Variants in FAAP100 observed in about 807,000 individuals in gnomAD.
FAAP100 encodes the protein FA core complex associated protein 100.
In FAAP100, 46 loss-of-function variants were observed where a neutral mutation model predicts 65.8. The ratio of observed to expected loss-of-function variants is 0.70; its 90% CI spans 0.55 to 0.89. The LOEUF (loss-of-function observed/expected upper bound fraction) is 0.89. FAAP100 is among the 40% of genes least tolerant of loss of function. The pLI is 0.00. For missense variants in FAAP100, 1,165 were observed against 1,196.7 expected (o/e 0.97, Z 0.39); for synonymous variants, 663 against 555.1 (o/e 1.19, Z -2.73).
intron 6 of FAAP100, among the ~76,000 whole-genome samples, chr17:81,544,859 C>G (rs2033243557): frequency 6.6e-6 from 1 of 152,144 alleles, no homozygotes; most frequent in African/African-American, 2.4e-5. Flanking sequence ...ACCCGAGGGC[C>G]GAGGCTTGAT....
chr17:81,544,406 G>A (rs754809875), intron 6 of FAAP100, among the ~76,000 whole-genome samples: 4 of 152,212 alleles, frequency 2.6e-5, no homozygotes, highest in African/African-American at 9.6e-5. Flanking sequence ...GCAGGGCCTC[G>A]AGCCAGACTG....
chr17:81,545,876 G>T lies in FAAP100; in HGVS notation c.2180C>A (p.Pro727His). ...CCACTGCAGGGTGGCACAGCACAGG[G>T]GCACGCCTGGAGGGGAGGCATCAGC... ...AALKDGHSGVPLCCATLQWLL... is the reference protein window; with the variant it reads ...AALKDGHSGVHLCCATLQWLL... The change falls in exon 6 of 9, where the codon CCC (proline) becomes CAC (histidine). Residue 727 changes from proline to histidine, a missense_variant. Pro to His is a moderately conservative substitution (Grantham distance 77, BLOSUM62 -2). Coordinates refer to ENST00000327787, the MANE Select transcript of FAAP100 (RefSeq NM_025161.6). The T allele has an allele frequency of 6.2e-7, 1 of 1,606,270 alleles. No homozygotes were observed. Among genetic ancestry groups the T allele is most frequent in the Non-Finnish European group, 8.5e-7 (1 of 1,179,674 alleles).
Position 81,552,344 on chromosome 17 carries a change from C to A in FAAP100, c.-14G>T, listed in dbSNP as rs1568102096. Reference sequence around the variant, plus strand: ...GGCGCCGGCCATCGTGCGCGCGGGCCCGTCAGAGTGAGAAGCCCCGGCCGC... The same window carrying A: ...GGCGCCGGCCATCGTGCGCGCGGGCACGTCAGAGTGAGAAGCCCCGGCCGC... On this transcript the variant is annotated 5_prime_UTR_variant, in exon 1 of 9. Transcript: ENST00000327787. 7.3e-7 allele frequency: 1 copy of A among 1,360,760 alleles called. No homozygotes were observed. 84.3% of individuals were successfully genotyped at this position (1,360,760 alleles called of 1,614,324 possible). A position where few individuals can be genotyped will look rare whatever the true frequency, so the allele number is the denominator to read the frequency against.
Position 81,547,890 on chromosome 17 carries a change from C to G in FAAP100, c.1404-212G>C, listed in dbSNP as rs886443986. ...CTCTCTGGAAGCTGCCTCCAGCCAT[C>G]TGACCTGACCTCTCCTCTTGGGCCA... On this transcript the variant is annotated intron_variant, in intron 4 of 8. Transcript: ENST00000327787. 5.6e-6 allele frequency: 4 copies of G among 717,232 alleles called. No homozygotes were observed. The African/African-American group carries it at 7.0e-5, about 12-fold the overall frequency. The allele number at this position is 717,232 out of a possible 1,614,324, so 44.4% of individuals were successfully genotyped here.
At chr17:81,549,862 G>A (rs372020744) in intron 3 of FAAP100, among the ~76,000 whole-genome samples, 34 of 152,272 alleles carry the variant, frequency 2.2e-4, no homozygotes, top group African/African-American at 7.0e-4. Flanking sequence ...ACCATGACAC[G>A]AGCAAGCGTT....
chr17:81,542,755 G>A (rs2033162532), intron 7 of FAAP100, among the ~76,000 whole-genome samples: 1 of 152,202 alleles, frequency 6.6e-6, no homozygotes, highest in Non-Finnish European at 1.5e-5. Flanking sequence ...TGATCAAGAT[G>A]AGGTCACTGG....
intron 3 of FAAP100, 67 bp downstream of exon 3, chr17:81,550,181 T>C: frequency 7.0e-7 from 1 of 1,423,074 alleles, no homozygotes; most frequent in Non-Finnish European, 9.6e-7. Context: ...GGCCTGATAG[T>C]AGCAGACAGC....
At chr17:81,541,871 CT>C (rs1385514094) in intron 7 of FAAP100, among the ~76,000 whole-genome samples, 2 of 152,118 alleles carry the variant, frequency 1.3e-5, no homozygotes, top group Non-Finnish European at 2.9e-5. Flanking sequence ...GGGCTTGGAT[CT>C]AAATTCCCAG....
Position 81,551,176 on chromosome 17 carries a change from G to A in FAAP100, c.318C>T (p.Ser106=), listed in dbSNP as rs766885570. Residue 106 remains serine, a synonymous_variant, in exon 3 of 9, where the codon AGC becomes AGT. Coordinates refer to ENST00000327787, the MANE Select transcript of FAAP100 (RefSeq NM_025161.6). ...SRSTSQDDRD[S]EDGDQPSPVI... ...CGGGGGAAGGCTGGTCACCGTCCTC[G>A]CTGTCCCTGTCATCCTGGCTCGTAG... is the stretch of plus-strand genomic sequence containing the variant. The A allele has an allele frequency of 7.2e-6, 11 of 1,532,638 alleles. No homozygotes were observed. Among genetic ancestry groups the A allele is most frequent in the South Asian group, 1.2e-5 (1 of 82,374 alleles). 94.9% of individuals were successfully genotyped at this position (1,532,638 alleles called of 1,614,324 possible).
chr17:81,543,166 G>T (rs1450649809), intron 7 of FAAP100, among the ~76,000 whole-genome samples: 1 of 152,226 alleles, frequency 6.6e-6, no homozygotes, highest in East Asian at 1.9e-4. Flanking sequence ...GCTGGGCAGA[G>T]CCACTGTTCA....
At chr17:81,542,801 G>C (rs941970587) in intron 7 of FAAP100, among the ~76,000 whole-genome samples, 2 of 152,236 alleles carry the variant, frequency 1.3e-5, no homozygotes, top group African/African-American at 4.8e-5. Context: ...GTCCTTGTAA[G>C]AAAAGGGATA....
In FAAP100 at chr17:81,547,359, C is replaced by T. The variant is rs149130496; in HGVS notation, c.1723G>A (p.Gly575Ser). 210 of 1,612,762 alleles carry T rather than the reference C, an allele frequency of 1.3e-4. No individual in the cohort carries two copies. The African/African-American group carries it at 2.5e-3, about 19-fold the overall frequency. ...GGTAGCGTCACCTCCCGCCGAGCAC[C>T]GGGGCCGAGCTGGTCCACGGGGATG... ...YTIPVDQLGP[G>S]ARREVTLPLG... Residue 575 changes from glycine (G) to serine (S), a missense_variant, in exon 5 of 9, where the codon GGT becomes AGT. Coordinates refer to ENST00000327787, the MANE Select transcript of FAAP100 (RefSeq NM_025161.6).
intron 7 of FAAP100, among the ~76,000 whole-genome samples, chr17:81,541,679 ACT>A (rs1344654859): frequency 2.0e-5 from 3 of 151,956 alleles, no homozygotes; most frequent in Non-Finnish European, 4.4e-5. Flanking sequence ...CAAGAGCCAC[ACT>A]CTGTGCAGAT....
In FAAP100 at chr17:81,550,945, C is replaced by A. The variant is rs775832814; in HGVS notation, c.549G>T (p.Gly183=). The A allele has an allele frequency of 5.7e-5, 92 of 1,612,054 alleles. No individual in the cohort carries two copies. Among genetic ancestry groups the A allele is most frequent in the East Asian group, 5.6e-4 (25 of 44,884 alleles). ...VELSSYTPPA[G]VPGKPAAPHF... The stretch of plus-strand genomic sequence containing the variant: ...GGGGGGCTGCAGGCTTTCCTGGGAC[C>A]CCGGCTGGGGGCGTGTAGGAGGACA... Residue 183 remains glycine (G), a synonymous_variant, in exon 3 of 9, where the codon GGG becomes GGT. Coordinates refer to ENST00000327787, the MANE Select transcript of FAAP100 (RefSeq NM_025161.6).
upstream of FAAP100, chr17:81,552,508 T>C (rs1174012021): frequency 2.0e-6 from 1 of 500,552 alleles, no homozygotes; most frequent in Admixed American, 4.5e-5. Context: ...CGGTCGCTGG[T>C]ACCCACGGGG....
In FAAP100 at chr17:81,545,841, C is replaced by T; in HGVS notation, c.2215G>A (p.Glu739Lys). The change falls in exon 6 of 9, where the codon GAG (glutamate) becomes AAG (lysine). Residue 739 changes from glutamate to lysine, a missense_variant. Physicochemically the swap from Glu to Lys is moderately conservative, Grantham distance 56 (BLOSUM62 1). Coordinates refer to ENST00000327787, the MANE Select transcript of FAAP100 (RefSeq NM_025161.6). ...CCATLQWLLAENAAVDVVRAR... is the reference protein window; with the variant it reads ...CCATLQWLLAKNAAVDVVRAR... ...CTCACGACGTCCACAGCAGCATTCT[C>T]AGCAAGGAGCCACTGCAGGGTGGCA... 1 of 1,610,858 alleles carries T rather than the reference C, an allele frequency of 6.2e-7. No individual in the cohort carries two copies. The highest frequency in any genetic ancestry group is 1.3e-5 in the African/African-American group (1 of 75,046).
At position 81,548,256 on chromosome 17, in the gene FAAP100, C is replaced by T. The variant is rs940801777; in HGVS notation, c.1404-578G>A. The T allele has an allele frequency of 7.0e-5, 36 of 516,118 alleles. 2 individuals are homozygous for T. The South Asian group carries it at 8.2e-4, about 12-fold the overall frequency. The allele number at this position is 516,118 out of a possible 1,614,324, so 32.0% of individuals were successfully genotyped here. ...TCTGAACGTCCCGAAGCCAGTGCTG[C>T]GGGAGGAAAAGCACACTGGATCCTG... On this transcript the variant is annotated intron_variant, in intron 4 of 8. Transcript: ENST00000327787.
rs535378060 is a variant in FAAP100 at position 81,550,738 on chromosome 17, A to G, written c.756T>C (p.Cys252=). The change falls in exon 3 of 9, where the codon TGT becomes TGC. Residue 252 remains cysteine (C), a synonymous_variant. Transcript: ENST00000327787. ...LCGLPDGQLC[C]VILKALVTSR... is the part of the protein sequence containing the mutation. ...AGGTGACCAGGGCCTTCAGGATCAC[A>G]CAGCAGAGCTGGCCATCAGGGAGAC... The G allele has an allele frequency of 7.4e-6, 12 of 1,612,474 alleles. No homozygotes were observed. In the East Asian group the frequency reaches 2.5e-4, roughly 33 times the overall value.
At position 81,546,900 on chromosome 17, in the gene FAAP100, G is replaced by C; in HGVS notation, c.2173+9C>G. ...CCAAGGCTGAGCAAAGCCAAGCAGT[G>C]CCACCAACCTGAGTGGCCGTCCTTC... On this transcript the variant is annotated intron_variant, in intron 5 of 8. Transcript: ENST00000327787. 1 of 1,380,748 alleles carries C rather than the reference G, an allele frequency of 7.2e-7. No homozygotes were observed. The highest frequency in any genetic ancestry group is 9.4e-7 in the Non-Finnish European group (1 of 1,060,812). 85.5% of individuals were successfully genotyped at this position (1,380,748 alleles called of 1,614,324 possible).
Sources: gnomAD v4.1 joint callset for allele counts (sites outside exome capture counted in the v4.1 genomes callset) on GRCh38, gnomAD v4.1.1 for gene constraint, MANE v1.5 for transcripts, NCBI Gene and HGNC (gene_info 2026-07-23, HGNC 2026-07-21) for gene names.